FCHSD2: variants seen among roughly 807,000 people sequenced by gnomAD.
FCHSD2 encodes the protein FCH and double SH3 domains 2.
In FCHSD2, 38 loss-of-function variants were observed where a neutral mutation model predicts 108.1. The observed-to-expected ratio is 0.35, with a 90% CI of 0.27 to 0.46. The LOEUF (loss-of-function observed/expected upper bound fraction) is 0.46. Ranked by LOEUF, FCHSD2 falls within the 20% of genes least tolerant of loss-of-function variation. The pLI, the probability that FCHSD2 is intolerant of heterozygous loss-of-function variation, is 1.00. For missense variants in FCHSD2, 751 were observed against 897.8 expected, an observed-to-expected ratio of 0.84 and a Z score of 2.09; for synonymous variants, 279 against 314.7, an observed-to-expected ratio of 0.89 and a Z score of 1.20.
At chr11:72,967,023 C>A (rs1372102751) in intron 8 of FCHSD2, among the ~76,000 whole-genome samples, 1 of 151,816 alleles carries the variant, frequency 6.6e-6, no homozygotes, top group African/African-American at 2.4e-5. Flanking sequence ...ACAGTGAAAC[C>A]CCATCTCTAC....
At chr11:73,084,421 T>C (rs1859767342) in intron 2 of FCHSD2, among the ~76,000 whole-genome samples, 2 of 152,264 alleles carry the variant, frequency 1.3e-5, no homozygotes, top group Middle Eastern at 3.4e-3. Context: ...GATAGGGTCT[T>C]GTTCTGTTGC....
At chr11:72,997,254 A>T (rs1381082589) in intron 5 of FCHSD2, among the ~76,000 whole-genome samples, 5 of 152,204 alleles carry the variant, frequency 3.3e-5, no homozygotes, top group African/African-American at 4.8e-5. Context: ...TTGTCAAATT[A>T]GAAGGGTCTT....
chr11:72,878,218 A>G (rs1855009187), intron 12 of FCHSD2, among the ~76,000 whole-genome samples: 1 of 152,144 alleles, frequency 6.6e-6, no homozygotes, highest in African/African-American at 2.4e-5. Flanking sequence ...GTTCAAGGCT[A>G]TAGTACACTA....
intron 9 of FCHSD2, among the ~76,000 whole-genome samples, chr11:72,909,111 G>A (rs940556599): frequency 2.6e-5 from 4 of 151,612 alleles, no homozygotes; most frequent in Admixed American, 6.6e-5. Flanking sequence ...ATCTCAGCTC[G>A]CTGCAACCTC....
chr11:72,957,772 A>G (rs1055002467), intron 8 of FCHSD2, among the ~76,000 whole-genome samples: 4 of 152,068 alleles, frequency 2.6e-5, no homozygotes, highest in African/African-American at 9.7e-5. Flanking sequence ...ATTTGCTCTC[A>G]AATGGATCAG....
rs776737612 is a variant in FCHSD2, at chr11:72,921,819, G to GT, written c.828+8dup. The GT allele has an allele frequency of 7.4e-5, 119 of 1,609,542 alleles. No homozygotes were observed. Among genetic ancestry groups the GT allele is most frequent in the Non-Finnish European group, 9.7e-5 (114 of 1,177,246 alleles). The stretch of plus-strand genomic sequence containing the variant: ...GATAACACTACACGTTGCACTAAAG[G>GT]TAACTTACCTTGCTGGAGTTTTCTA... On this transcript the variant is annotated intron_variant, in intron 9 of 19. Transcript: ENST00000409418.
At position 72,887,525 on chromosome 11, in the gene FCHSD2, C is replaced by T. The variant is rs999723456; in HGVS notation, c.1091G>A (p.Arg364Gln). The T allele has an allele frequency of 5.0e-6, 8 of 1,603,372 alleles. No individual in the cohort carries two copies. The Admixed American group carries it at 5.2e-5, about 10-fold the overall frequency. The change falls in exon 12 of 20, where the codon CGA becomes CAA. Residue 364 changes from arginine (R) to glutamine (Q), a missense_variant. Transcript: ENST00000409418. ...CHGAAVSEQS[R>Q]AELEQKIDEA... Reference sequence around the variant, plus strand: ...ATCTATTTTCTGTTCTAGCTCTGCTCGGCTTTGTTCTGATACAGCAGCTCC... The same window carrying T: ...ATCTATTTTCTGTTCTAGCTCTGCTTGGCTTTGTTCTGATACAGCAGCTCC...
intron 3 of FCHSD2, among the ~76,000 whole-genome samples, chr11:73,065,096 C>T (rs768683818): frequency 2.6e-5 from 4 of 152,212 alleles, no homozygotes; most frequent in Middle Eastern, 3.4e-3. Flanking sequence ...AACATCAATG[C>T]GAAAATCCTC....
chr11:73,126,339 TAAA>T (rs61586562), intron 2 of FCHSD2, among the ~76,000 whole-genome samples: 37 of 27,648 alleles, frequency 1.3e-3, no homozygotes, highest in South Asian at 4.1e-3. Context: ...GATTCCATCT[TAAA>T]AAAAAAAAAA....
chr11:73,114,803 A>G (rs1157623959), intron 2 of FCHSD2, among the ~76,000 whole-genome samples: 1 of 152,056 alleles, frequency 6.6e-6, no homozygotes, highest in African/African-American at 2.4e-5. Flanking sequence ...ATGTAAGATA[A>G]AAGTCCTCTT....
At position 72,845,658 on chromosome 11, in the gene FCHSD2, C is replaced by T. The variant is rs529768098; in HGVS notation, c.1444-2126G>A. Among the ~76,000 whole-genome samples, 13 of 152,226 alleles carry T rather than the reference C, an allele frequency of 8.5e-5. No homozygotes were observed. In the South Asian group the frequency reaches 1.2e-3, roughly 15 times the overall value. ...AGTTTGGTCCCTGTGGGCCTCTTGACGCTTTGGCCCCTGCACACTATTTCT... is the reference window on the plus strand; with the variant it reads ...AGTTTGGTCCCTGTGGGCCTCTTGATGCTTTGGCCCCTGCACACTATTTCT... On this transcript the variant is annotated intron_variant, in intron 14 of 19. Coordinates refer to ENST00000409418, the MANE Select transcript of FCHSD2 (RefSeq NM_014824.3).
intron 3 of FCHSD2, among the ~76,000 whole-genome samples, chr11:73,060,376 A>T (rs1476041405): frequency 6.6e-6 from 1 of 152,212 alleles, no homozygotes; most frequent in African/African-American, 2.4e-5. Context: ...ATCTGAAGAC[A>T]TTTTGTATAA....
intron 2 of FCHSD2, among the ~76,000 whole-genome samples, chr11:73,112,695 C>A (rs1860515228): frequency 6.6e-6 from 1 of 152,196 alleles, no homozygotes; most frequent in Non-Finnish European, 1.5e-5. Context: ...GTCGCCCAGG[C>A]TGGAGTGCAG....
At chr11:72,971,140 T>A (rs1856999526) in intron 8 of FCHSD2, among the ~76,000 whole-genome samples, 1 of 152,188 alleles carries the variant, frequency 6.6e-6, no homozygotes, top group Admixed American at 6.5e-5. Flanking sequence ...CAGTCATTTG[T>A]CATGCAGAGT....
chr11:72,881,218 T>G (rs1855080232), intron 12 of FCHSD2, among the ~76,000 whole-genome samples: 1 of 152,202 alleles, frequency 6.6e-6, no homozygotes, highest in East Asian at 1.9e-4. Flanking sequence ...GGGCAATGGA[T>G]GTGTAACCAC....
At chr11:72,854,097 G>A (rs913419692) in intron 13 of FCHSD2, among the ~76,000 whole-genome samples, 3 of 152,092 alleles carry the variant, frequency 2.0e-5, no homozygotes, top group African/African-American at 7.2e-5. Flanking sequence ...ACAAGGATGT[G>A]GAAAAATTGG....
chr11:73,123,007 C>T (rs1860769565), intron 2 of FCHSD2, among the ~76,000 whole-genome samples: 1 of 152,062 alleles, frequency 6.6e-6, no homozygotes, highest in African/African-American at 2.4e-5. Context: ...CTCATCCTTC[C>T]TTGTCCCATC....
chr11:73,039,722 A>G (rs140212338), intron 3 of FCHSD2, among the ~76,000 whole-genome samples: 1 of 152,332 alleles, frequency 6.6e-6, no homozygotes, highest in Non-Finnish European at 1.5e-5. Flanking sequence ...TATCAAGGAT[A>G]ACGAATGATG....
intron 2 of FCHSD2, among the ~76,000 whole-genome samples, chr11:73,134,154 A>T (rs1387797473): frequency 6.6e-6 from 1 of 152,042 alleles, no homozygotes; most frequent in Non-Finnish European, 1.5e-5. Context: ...CTTTCTAGAT[A>T]CAACAGTCTC....
Sources: allele counts gnomAD v4.1 joint callset (sites outside exome capture counted in the v4.1 genomes callset), GRCh38; gene constraint gnomAD v4.1.1; transcripts MANE v1.5; gene names NCBI Gene and HGNC (gene_info 2026-07-23, HGNC 2026-07-21).